MAP2K5: variants seen among roughly 807,000 people sequenced by gnomAD.
MAP2K5 encodes mitogen-activated protein kinase kinase 5.
In MAP2K5, 49 loss-of-function variants were observed where a neutral mutation model predicts 83.1. The observed-to-expected ratio is 0.59, with a 90% confidence interval of 0.47 to 0.75. The LOEUF (loss-of-function observed/expected upper bound fraction) is 0.75, where lower values mean the gene tolerates loss of function less well. Ranked by LOEUF, MAP2K5 falls within the 30% of genes least tolerant of loss-of-function variation. MAP2K5 has a pLI of 0.00. For missense variants in MAP2K5, 457 were observed against 557.5 expected (o/e 0.82, Z 1.82); for synonymous variants, 202 against 191.8 (o/e 1.05, Z -0.44).
At chr15:67,715,792 CA>C (rs767983931) in intron 16 of MAP2K5, among the ~76,000 whole-genome samples, 7 of 152,052 alleles carry the variant, frequency 4.6e-5, no homozygotes, top group Non-Finnish European at 1.0e-4. Flanking sequence ...GAAGCTAAAA[CA>C]AAAGCCAAAA....
At position 67,722,035 on chromosome 15, in the gene MAP2K5, T is replaced by C. The variant is rs2088973621; in HGVS notation, c.1045-5881T>C. Among the ~76,000 whole-genome samples, 2 of 152,234 alleles carry C rather than the reference T, an allele frequency of 1.3e-5. No homozygotes were observed. Among genetic ancestry groups the C allele is most frequent in the South Asian group, 4.1e-4 (2 of 4,834 alleles). ...TAGATTTTGATTTTAATATATTTGCTGTAGTGAGTACTGATAATGTGGAGG... is the reference window on the plus strand; with the variant it reads ...TAGATTTTGATTTTAATATATTTGCCGTAGTGAGTACTGATAATGTGGAGG... On this transcript the variant is annotated intron_variant, in intron 16 of 21. Coordinates refer to ENST00000178640, the MANE Select transcript of MAP2K5 (RefSeq NM_145160.3). This position sits in a 1 kb window ranked among gnomAD's most constrained non-coding sequence, Gnocchi z 4.2.
intron 13 of MAP2K5, among the ~76,000 whole-genome samples, chr15:67,678,206 CAATT>C (rs1368832418): frequency 6.6e-6 from 1 of 152,008 alleles, no homozygotes; most frequent in Non-Finnish European, 1.5e-5. Context: ...TTTCATAAGA[CAATT>C]AAACATAATG....
At chr15:67,639,834 T>C (rs1294247784) in intron 9 of MAP2K5, among the ~76,000 whole-genome samples, 5 of 152,220 alleles carry the variant, frequency 3.3e-5, no homozygotes, top group Admixed American at 3.3e-4. Flanking sequence ...TCCTCTCTAA[T>C]TAGAATGCTT....
chr15:67,706,891 T>C (rs2088568086), intron 16 of MAP2K5, among the ~76,000 whole-genome samples: 1 of 152,062 alleles, frequency 6.6e-6, no homozygotes, highest in Non-Finnish European at 1.5e-5. Flanking sequence ...GATTCAGTAG[T>C]GAAGGTTACA....
chr15:67,549,693 C>T (rs901519587), intron 1 of MAP2K5, among the ~76,000 whole-genome samples: 5 of 152,208 alleles, frequency 3.3e-5, no homozygotes, highest in African/African-American at 1.2e-4. Context: ...CTCAAAACCC[C>T]TCTCTCTTTC....
intron 12 of MAP2K5, 150 bp downstream of exon 12, chr15:67,658,764 T>A: frequency 2.9e-6 from 2 of 690,320 alleles, no homozygotes; most frequent in Non-Finnish European, 2.6e-6. Flanking sequence ...TGTTCTTCTT[T>A]TCATAGACCA....
intron 21 of MAP2K5, among the ~76,000 whole-genome samples, chr15:67,796,506 C>G (rs1295533070): frequency 6.6e-6 from 1 of 152,156 alleles, no homozygotes; most frequent in Non-Finnish European, 1.5e-5. Flanking sequence ...GTGCCACACA[C>G]TTTTAAAGGA....
At chr15:67,671,405 T>C (rs1161237774) in intron 13 of MAP2K5, among the ~76,000 whole-genome samples, 1 of 152,122 alleles carries the variant, frequency 6.6e-6, no homozygotes. Flanking sequence ...CTAGGAAATA[T>C]GAAATGTTTT....
chr15:67,730,683 T>A (rs1278333512), intron 17 of MAP2K5, among the ~76,000 whole-genome samples: 1 of 152,186 alleles, frequency 6.6e-6, no homozygotes, highest in Non-Finnish European at 1.5e-5. Context: ...ATGAGAGCCT[T>A]TCATATATCC....
chr15:67,725,854 A>T (rs926540147), intron 16 of MAP2K5, among the ~76,000 whole-genome samples: 1 of 152,122 alleles, frequency 6.6e-6, no homozygotes, highest in Non-Finnish European at 1.5e-5. Context: ...GAAACAAACT[A>T]TTTTCAAAAT....
intron 1 of MAP2K5, among the ~76,000 whole-genome samples, chr15:67,547,461 T>TC (rs1017993028): frequency 1.9e-4 from 28 of 149,872 alleles, no homozygotes; most frequent in South Asian, 1.3e-3. Flanking sequence ...TTTTCTTTTT[T>TC]TTTTTTTTTT....
At position 67,768,217 on chromosome 15, in the gene MAP2K5, C is replaced by T. The variant is rs761860272; in HGVS notation, c.1135-1385C>T. On this transcript the variant is annotated intron_variant, in intron 19 of 21. Transcript: ENST00000178640. This position sits in a 1 kb window ranked among gnomAD's most constrained non-coding sequence, Gnocchi z 4.0. The stretch of plus-strand genomic sequence containing the variant: ...AATTTTCTGTCTTGTAATTACCGAT[C>T]TCATTTTTCTGATAATTGGCCACAG... Among the ~76,000 whole-genome samples the T allele has an allele frequency of 2.4e-4, 37 of 152,230 alleles. No individual in the cohort carries two copies. The highest frequency in any genetic ancestry group is 4.3e-4 in the Non-Finnish European group (29 of 68,014).
chr15:67,709,491 A>G (rs2088638325), intron 16 of MAP2K5, among the ~76,000 whole-genome samples: 1 of 151,816 alleles, frequency 6.6e-6, no homozygotes. Context: ...AAAAAAAAAA[A>G]AAACTACAGG....
chr15:67,668,027 A>T lies in MAP2K5; in HGVS notation c.847+3382A>T, dbSNP rs889609792. ...TTTGATAGTATATTATGTTAACTGGAAATTGTTTTGGAAATTGAAGCACAG... is the reference window on the plus strand; with the variant it reads ...TTTGATAGTATATTATGTTAACTGGTAATTGTTTTGGAAATTGAAGCACAG... On this transcript the variant is annotated intron_variant, in intron 13 of 21. Coordinates refer to ENST00000178640, the MANE Select transcript of MAP2K5 (RefSeq NM_145160.3). The surrounding 1 kb of genome is among the most constrained non-coding windows in gnomAD (Gnocchi z 4.0). Among the ~76,000 whole-genome samples, 3 of 152,176 alleles carry T rather than the reference A, an allele frequency of 2.0e-5. No individual in the cohort carries two copies. Among genetic ancestry groups the T allele is most frequent in the African/African-American group, 7.2e-5 (3 of 41,442 alleles).
chr15:67,701,605 A>T (rs1228698484), intron 15 of MAP2K5, among the ~76,000 whole-genome samples: 1 of 152,152 alleles, frequency 6.6e-6, no homozygotes, highest in East Asian at 1.9e-4. Flanking sequence ...AGGCAGGGAG[A>T]TGTAAAAGGT....
intron 7 of MAP2K5, among the ~76,000 whole-genome samples, chr15:67,594,359 A>G (rs1350835914): frequency 6.6e-6 from 1 of 152,198 alleles, no homozygotes; most frequent in Non-Finnish European, 1.5e-5. Flanking sequence ...ATATTTATGT[A>G]TCTTCAACAT....
At chr15:67,643,496 G>C (rs1481875166) in intron 9 of MAP2K5, among the ~76,000 whole-genome samples, 1 of 152,102 alleles carries the variant, frequency 6.6e-6, no homozygotes, top group African/African-American at 2.4e-5. Flanking sequence ...GCCCAGACTG[G>C]TGTGCAGTGG....
chr15:67,699,269 C>T (rs1438617689), intron 15 of MAP2K5, among the ~76,000 whole-genome samples: 1 of 151,974 alleles, frequency 6.6e-6, no homozygotes, highest in African/African-American at 2.4e-5. Context: ...TTCCTGAGGG[C>T]ATTTGCCTGA....
chr15:67,742,151 A>G (rs1183314392), intron 17 of MAP2K5, among the ~76,000 whole-genome samples: 2 of 152,206 alleles, frequency 1.3e-5, no homozygotes, highest in Non-Finnish European at 2.9e-5. Flanking sequence ...TCAGCCTCCC[A>G]AAGTGCTGGG....
Sources: gnomAD v4.1 joint callset for allele counts (sites outside exome capture counted in the v4.1 genomes callset) on GRCh38, gnomAD v4.1.1 for gene constraint, Gnocchi (gnomAD v3.1) non-coding constraint, MANE v1.5 for transcripts, NCBI Gene and HGNC (gene_info 2026-07-23, HGNC 2026-07-21) for gene names.